Variants in TRIO observed in about 807,000 individuals in gnomAD.
TRIO encodes the protein trio Rho guanine nucleotide exchange factor.
TRIO carries 58 observed loss-of-function variants against 351.9 expected under a neutral mutation model. The observed-to-expected ratio is 0.16, with a 90% CI of 0.13 to 0.21. TRIO has a LOEUF of 0.21. Ranked by LOEUF, TRIO falls within the 10% of genes least tolerant of loss-of-function variation. TRIO has a pLI of 1.00. For synonymous variants in TRIO, 1,758 were observed against 1,595.7 expected (o/e 1.10, Z -2.42); for missense variants, 3,201 against 4,027.8 (o/e 0.79, Z 5.56).
chr5:14,174,553 A>G (rs1709249487), intron 1 of TRIO, among the ~76,000 whole-genome samples: 1 of 152,218 alleles, frequency 6.6e-6, no homozygotes. Context: ...GTGATGGGTC[A>G]GGCCATCTGG....
At chr5:14,419,729 C>T (rs953214745) in intron 33 of TRIO, 49 bp from the exon 34 acceptor site, 1 of 1,599,336 alleles carries the variant, frequency 6.3e-7, no homozygotes. Context: ...CCTGAAGGCA[C>T]CATGGCTCAC....
intron 1 of TRIO, among the ~76,000 whole-genome samples, chr5:14,169,447 G>A (rs1048446918): frequency 6.6e-6 from 1 of 152,044 alleles, no homozygotes; most frequent in Non-Finnish European, 1.5e-5. Flanking sequence ...TTCAAAGATG[G>A]AAAATTTGGA....
intron 1 of TRIO, among the ~76,000 whole-genome samples, chr5:14,205,857 C>A (rs965149240): frequency 1.1e-4 from 16 of 151,712 alleles, no homozygotes; most frequent in African/African-American, 3.6e-4. Flanking sequence ...CTCAGCCTCC[C>A]GAATAGCTGG....
intron 1 of TRIO, among the ~76,000 whole-genome samples, chr5:14,194,149 T>C (rs1790617455): frequency 1.3e-5 from 2 of 152,234 alleles, no homozygotes; most frequent in Admixed American, 6.5e-5. Flanking sequence ...ACTCGGTACC[T>C]GTCTACCTAT....
chr5:14,489,295 A>G (rs943774931), intron 48 of TRIO: 2 of 425,392 alleles, frequency 4.7e-6, no homozygotes, highest in African/African-American at 2.0e-5. Context: ...TAATTGGGGA[A>G]GAAATTAACA....
In TRIO at chr5:14,487,660, T is replaced by A; in HGVS notation, c.7032T>A (p.Pro2344=). 7.4e-7 allele frequency: 1 copy of A among 1,344,438 alleles called. No individual in the cohort carries two copies. The highest frequency in any genetic ancestry group is 9.6e-7 in the Non-Finnish European group (1 of 1,036,850). 83.3% of individuals were successfully genotyped at this position (1,344,438 alleles called of 1,614,324 possible). Residue 2344 remains proline (P), a synonymous_variant, in exon 48 of 57, where the codon CCT becomes CCA. Transcript: ENST00000344204. ...GCCGGCCCTCCCGGATCCCCCAGCCTGTCCGACACCACCCCCCCGTGCTGG... is the reference window on the plus strand; with the variant it reads ...GCCGGCCCTCCCGGATCCCCCAGCCAGTCCGACACCACCCCCCCGTGCTGG... ...SRSRPSRIPQ[P]VRHHPPVLVS...
chr5:14,354,688 A>T (rs1743456123), intron 11 of TRIO, among the ~76,000 whole-genome samples: 1 of 152,248 alleles, frequency 6.6e-6, no homozygotes, highest in Non-Finnish European at 1.5e-5. Context: ...AAGTTTGAAC[A>T]TAAAGTGCAG....
intron 1 of TRIO, among the ~76,000 whole-genome samples, chr5:14,177,369 G>A (rs186114468): frequency 6.6e-6 from 1 of 152,198 alleles, no homozygotes; most frequent in African/African-American, 2.4e-5. Context: ...CAAACATAGA[G>A]GTCTTTTTAG....
intron 11 of TRIO, among the ~76,000 whole-genome samples, chr5:14,343,794 G>C (rs1206846649): frequency 1.3e-5 from 2 of 152,248 alleles, no homozygotes; most frequent in Non-Finnish European, 2.9e-5. Flanking sequence ...GAGTGCGTTT[G>C]CTGGGTCCTT....
chr5:14,176,379 A>G (rs1789404536), intron 1 of TRIO, among the ~76,000 whole-genome samples: 1 of 152,134 alleles, frequency 6.6e-6, no homozygotes, highest in Non-Finnish European at 1.5e-5. Flanking sequence ...CCGAGGCAGG[A>G]GAATGGCGTG....
chr5:14,450,938 G>A (rs27110), intron 34 of TRIO, among the ~76,000 whole-genome samples: 24,746 of 152,184 alleles, frequency 0.16, 2,080 homozygotes, highest in Middle Eastern at 0.28. Context: ...ACAGACAGAT[G>A]ATACACCAAA....
At chr5:14,321,483 G>A (rs1420181882) in intron 9 of TRIO, among the ~76,000 whole-genome samples, 2 of 152,248 alleles carry the variant, frequency 1.3e-5, no homozygotes, top group Admixed American at 6.5e-5. Context: ...GGTGCTTTGT[G>A]GGTGCTCACT....
intron 34 of TRIO, among the ~76,000 whole-genome samples, chr5:14,436,577 G>GTCCCT (rs1418487953): frequency 6.6e-6 from 1 of 152,170 alleles, no homozygotes; most frequent in East Asian, 1.9e-4. Context: ...AACAAGGCAA[G>GTCCCT]TCCCTTCCAC....
rs779955545 is a variant in TRIO, at chr5:14,316,708, C to T, written c.1696C>T (p.Leu566=). 7.4e-6 allele frequency: 12 copies of T among 1,614,044 alleles called. No homozygotes were observed. The highest frequency in any genetic ancestry group is 1.0e-5 in the Non-Finnish European group (12 of 1,180,028). ...CCGCAAGGTCCGGCTGCATCAGAGG[C>T]TGCAGCTGTGTGTTTTCCAGCAGGA... is the stretch of plus-strand genomic sequence containing the variant. ...QHRKVRLHQR[L]QLCVFQQDVQ... The change falls in exon 9 of 57, where the codon CTG becomes TTG. Residue 566 remains leucine, a synonymous_variant. Coordinates refer to ENST00000344204, the MANE Select transcript of TRIO (RefSeq NM_007118.4).
intron 9 of TRIO, among the ~76,000 whole-genome samples, chr5:14,330,136 A>G (rs767267457): frequency 1.3e-5 from 2 of 152,230 alleles, no homozygotes; most frequent in Non-Finnish European, 2.9e-5. Context: ...TTTAAAACAT[A>G]AGATTATACT....
intron 33 of TRIO, among the ~76,000 whole-genome samples, chr5:14,411,968 TTG>T (rs1459096099): frequency 6.6e-6 from 1 of 151,036 alleles, no homozygotes; most frequent in Non-Finnish European, 1.5e-5. Context: ...GTTCTATGTG[TTG>T]TTTTTTTTCT....
intron 11 of TRIO, among the ~76,000 whole-genome samples, chr5:14,345,277 A>G (rs1307131037): frequency 6.6e-6 from 1 of 152,228 alleles, no homozygotes; most frequent in Non-Finnish European, 1.5e-5. Flanking sequence ...ATAGTCACCG[A>G]GTAGATGATT....
chr5:14,144,083 G>GC (rs1787340119), intron 1 of TRIO, among the ~76,000 whole-genome samples: 1 of 152,038 alleles, frequency 6.6e-6, no homozygotes, highest in South Asian at 2.1e-4. Flanking sequence ...TGCCCGCGCA[G>GC]CCGGGCGCGC....
intron 10 of TRIO, among the ~76,000 whole-genome samples, chr5:14,333,639 T>C (rs554713946): frequency 8.8e-4 from 134 of 152,332 alleles, no homozygotes; most frequent in Non-Finnish European, 1.5e-3. Context: ...AAATCCCTTA[T>C]TTTCCATTGA....
Sources: gnomAD v4.1 joint callset for allele counts (sites outside exome capture counted in the v4.1 genomes callset) on GRCh38, gnomAD v4.1.1 for gene constraint, MANE v1.5 for transcripts, NCBI Gene and HGNC (gene_info 2026-07-23, HGNC 2026-07-21) for gene names.